LOXL3: variants seen among roughly 807,000 people sequenced by gnomAD.
LOXL3 encodes the protein lysyl oxidase homolog 3.
Under a neutral mutation model 91.8 loss-of-function variants are expected in LOXL3, and 60 were observed. That is an observed-to-expected ratio of 0.65 (90% CI 0.53 to 0.81). The LOEUF is 0.81. Among genes scored for constraint, LOXL3 ranks in the 30% least tolerant of loss-of-function variants. The pLI is 0.00. For missense variants in LOXL3, 874 were observed against 1,000.4 expected (o/e 0.87, Z 1.70); for synonymous variants, 355 against 387.6 (o/e 0.92, Z 0.99).
Position 74,533,264 on chromosome 2 carries a change from G to A in LOXL3, c.*342C>T, listed in dbSNP as rs1675758649. 8 of 542,706 alleles carry A rather than the reference G, an allele frequency of 1.5e-5. No homozygotes were observed. In the South Asian group the frequency reaches 1.7e-4, roughly 12 times the overall value. 33.6% of individuals were successfully genotyped at this position (542,706 alleles called of 1,614,324 possible). The stretch of plus-strand genomic sequence containing the variant: ...AAAGCTGTATCCCCCTAAACTTAGG[G>A]GAGATACTGGAGCTGACCATCCTGA... On this transcript the variant is annotated 3_prime_UTR_variant, in exon 14 of 14. Coordinates refer to ENST00000264094, the MANE Select transcript of LOXL3 (RefSeq NM_032603.5).
chr2:74,534,504 C>G, intron 10 of LOXL3, 27 bp downstream of exon 10: 1 of 1,613,674 alleles, frequency 6.2e-7, no homozygotes, highest in South Asian at 1.1e-5. Flanking sequence ...TGGTCTTGCC[C>G]TTCTACTTGA....
At chr2:74,555,201 C>T (rs768658142), upstream of LOXL3, 69 of 1,613,404 alleles carry the variant, frequency 4.3e-5, no homozygotes, top group Non-Finnish European at 5.2e-5. The surrounding 1 kb of genome is among the most constrained non-coding windows in gnomAD (Gnocchi z 6.1). Flanking sequence ...GTCCCCACGG[C>T]GTAGCGCGGC....
chr2:74,552,702 A>C, intron 1 of LOXL3, 56 bp from the exon 2 acceptor site: 1 of 1,396,588 alleles, frequency 7.2e-7, no homozygotes, highest in South Asian at 1.5e-5. Flanking sequence ...TGGGGCCCAG[A>C]GTCAGAAAGA....
chr2:74,550,090 C>A, intron 3 of LOXL3, 95 bp downstream of exon 3: 1 of 1,498,048 alleles, frequency 6.7e-7, no homozygotes, highest in Non-Finnish European at 8.9e-7. Flanking sequence ...AATGATCCCC[C>A]AGGGGTAACT....
At chr2:74,544,301 A>C (rs1419193712) in intron 4 of LOXL3, among the ~76,000 whole-genome samples, 1 of 151,556 alleles carries the variant, frequency 6.6e-6, no homozygotes. Flanking sequence ...ACTCCCTCTC[A>C]AAAAAACAAA....
upstream of LOXL3, chr2:74,555,405 G>A: frequency 6.2e-7 from 1 of 1,611,130 alleles, no homozygotes; most frequent in African/African-American, 1.3e-5. This position sits in a 1 kb window ranked among gnomAD's most constrained non-coding sequence, Gnocchi z 6.1. Flanking sequence ...CGGCCGACGC[G>A]CCGTCCAGTG....
upstream of LOXL3, chr2:74,555,175 G>T (rs757410769): frequency 6.2e-7 from 1 of 1,612,784 alleles, no homozygotes; most frequent in African/African-American, 1.3e-5. This position sits in a 1 kb window ranked among gnomAD's most constrained non-coding sequence, Gnocchi z 6.1. Context: ...GACCTGGGCC[G>T]TGCTCTACCC....
intron 4 of LOXL3, among the ~76,000 whole-genome samples, chr2:74,542,138 T>A (rs1676359497): frequency 6.6e-6 from 1 of 151,942 alleles, no homozygotes. Context: ...ACAAAAAATT[T>A]AAAAATTAGC....
In LOXL3 at chr2:74,535,825, T is replaced by G. The variant is rs377289180; in HGVS notation, c.1249-70A>C. On this transcript the variant is annotated intron_variant, in intron 7 of 13. Coordinates refer to ENST00000264094, the MANE Select transcript of LOXL3 (RefSeq NM_032603.5). This position sits in a 1 kb window ranked among gnomAD's most constrained non-coding sequence, Gnocchi z 4.2. ...AGGTAGTGGGAGTCTCTAACAGATG[T>G]GGCTGAAGCGTGACTCAGGCACATA... 6.6e-7 allele frequency: 1 copy of G among 1,507,966 alleles called. No homozygotes were observed. Among genetic ancestry groups the G allele is most frequent in the Non-Finnish European group, 8.8e-7 (1 of 1,131,306 alleles). 93.4% of individuals were successfully genotyped at this position (1,507,966 alleles called of 1,614,324 possible). A position where few individuals can be genotyped will look rare whatever the true frequency, so the allele number is the denominator to read the frequency against.
chr2:74,537,260 G>A (rs1214266839), intron 4 of LOXL3, among the ~76,000 whole-genome samples: 1 of 152,212 alleles, frequency 6.6e-6, no homozygotes, highest in Non-Finnish European at 1.5e-5. Context: ...CTGAGGCTAA[G>A]GCCTCAGGGA....
rs1213549764 is a variant in LOXL3 at position 74,536,971 on chromosome 2, C to T, written c.693-43G>A. On this transcript the variant is annotated intron_variant, in intron 4 of 13. Transcript: ENST00000264094. The surrounding 1 kb of genome is among the most constrained non-coding windows in gnomAD (Gnocchi z 4.5). ...AGGTGCAGTAGGGTAAAACAATGCT[C>T]CTGCCTCTTGGCCCCACAAACATCC... is the stretch of plus-strand genomic sequence containing the variant. 4 of 1,539,546 alleles carry T rather than the reference C, an allele frequency of 2.6e-6. No individual in the cohort carries two copies. Among genetic ancestry groups the T allele is most frequent in the African/African-American group, 2.7e-5 (2 of 73,404 alleles).
In LOXL3 at chr2:74,532,964, G is replaced by C; in HGVS notation, c.*642C>G. ...GACGAGAAACACTGACCTTATATGT[G>C]ACCCCTGAGGTCACAGAATGAATAG... On this transcript the variant is annotated 3_prime_UTR_variant, in exon 14 of 14. Transcript: ENST00000264094. 1 of 1,613,814 alleles carries C rather than the reference G, an allele frequency of 6.2e-7. No homozygotes were observed. Among genetic ancestry groups the C allele is most frequent in the Non-Finnish European group, 8.5e-7 (1 of 1,179,926 alleles).
chr2:74,532,814 C>G lies in LOXL3; in HGVS notation c.*792G>C. On this transcript the variant is annotated 3_prime_UTR_variant, in exon 14 of 14. Transcript: ENST00000264094. ...TTCCTTTCTCTCTGTCCATTTTTCT[C>G]TATAGGGCTGGTCTGCGGCCTGGTG... The G allele has an allele frequency of 6.2e-7, 1 of 1,614,104 alleles. No homozygotes were observed. Among genetic ancestry groups the G allele is most frequent in the South Asian group, 1.1e-5 (1 of 91,064 alleles).
Position 74,536,006 on chromosome 2 carries a change from G to A in LOXL3, c.1238C>T (p.Ala413Val). ...GAGAGGATGACTGACCCTGGTCTCTGCCCCAGTGTAAGGTAGGTTGCACCG... is the reference window on the plus strand; with the variant it reads ...GAGAGGATGACTGACCCTGGTCTCTACCCCAGTGTAAGGTAGGTTGCACCG... Reference protein sequence around the residue: ...GVRCNLPYTGAETRIRLSGGR... With the variant: ...GVRCNLPYTGVETRIRLSGGR... The change falls in exon 7 of 14, where the codon GCA (alanine) becomes GTA (valine). Residue 413 changes from alanine to valine, a missense_variant. Ala to Val is a moderately conservative substitution (Grantham distance 64). Coordinates refer to ENST00000264094, the MANE Select transcript of LOXL3 (RefSeq NM_032603.5). The surrounding 1 kb of genome is among the most constrained non-coding windows in gnomAD (Gnocchi z 4.5). 1 of 1,576,528 alleles carries A rather than the reference G, an allele frequency of 6.3e-7. No homozygotes were observed. Among genetic ancestry groups the A allele is most frequent in the Middle Eastern group, 1.7e-4 (1 of 5,838 alleles).
rs1675817491 is a variant in LOXL3, at chr2:74,533,902, C to T, written c.2168G>A (p.Trp723Ter). ...AATACCAATGTGGCAGTTGTGCACCCAGATTCTATGTCCATCATATTTGCA... is the reference window on the plus strand; with the variant it reads ...AATACCAATGTGGCAGTTGTGCACCTAGATTCTATGTCCATCATATTTGCA... Reference protein sequence around the residue: ...CNCKYDGHRIWVHNCHIGDAF... With the variant: ...CNCKYDGHRI Residue 723 changes from tryptophan to a stop codon, truncating the protein, a stop_gained, in exon 13 of 14, where the codon TGG becomes TAG. Transcript: ENST00000264094. LOFTEE classifies it high-confidence loss of function. The T allele has an allele frequency of 1.2e-6, 2 of 1,613,980 alleles. No individual in the cohort carries two copies. Among genetic ancestry groups the T allele is most frequent in the East Asian group, 4.5e-5 (2 of 44,880 alleles).
chr2:74,535,533 C>T lies in LOXL3; in HGVS notation c.1416+55G>A. On this transcript the variant is annotated intron_variant, in intron 8 of 13. Transcript: ENST00000264094. The surrounding 1 kb of genome is among the most constrained non-coding windows in gnomAD (Gnocchi z 4.2). ...AAGGGACTCATTCCTCAGCCCTCTG[C>T]CCAAAACACAGGCTTTGAGACAACA... The T allele has an allele frequency of 6.2e-7, 1 of 1,611,708 alleles. No homozygotes were observed. The highest frequency in any genetic ancestry group is 1.3e-5 in the African/African-American group (1 of 74,990).
At position 74,533,058 on chromosome 2, in the gene LOXL3, C is replaced by A; in HGVS notation, c.*548G>T. On this transcript the variant is annotated 3_prime_UTR_variant, in exon 14 of 14. Transcript: ENST00000264094. Reference sequence around the variant, plus strand: ...TTTCTGGCTGAGGTTCTGAGGGCACCGAGACAGAGGGTTAAATGAACCAGT... The same window carrying A: ...TTTCTGGCTGAGGTTCTGAGGGCACAGAGACAGAGGGTTAAATGAACCAGT... The A allele has an allele frequency of 6.8e-7, 1 of 1,472,374 alleles. No individual in the cohort carries two copies. The highest frequency in any genetic ancestry group is 9.4e-7 in the Non-Finnish European group (1 of 1,060,248). The allele number at this position is 1,472,374 out of a possible 1,614,324, so 91.2% of individuals were successfully genotyped here. A position where few individuals can be genotyped will look rare whatever the true frequency, so the allele number is the denominator to read the frequency against.
intron 4 of LOXL3, among the ~76,000 whole-genome samples, chr2:74,537,905 G>A (rs568301963): frequency 1.6e-4 from 25 of 152,256 alleles, no homozygotes; most frequent in Non-Finnish European, 3.1e-4. Flanking sequence ...GAACGGGCCT[G>A]TGAGGCTGAT....
Position 74,535,626 on chromosome 2 carries a change from T to G in LOXL3, c.1378A>C (p.Arg460=), listed in dbSNP as rs1675970312. The G allele has an allele frequency of 6.2e-7, 1 of 1,613,958 alleles. No homozygotes were observed. Among genetic ancestry groups the G allele is most frequent in the Non-Finnish European group, 8.5e-7 (1 of 1,180,030 alleles). The change falls in exon 8 of 14, where the codon AGG becomes CGG. Residue 460 remains arginine (R), a synonymous_variant. Coordinates refer to ENST00000264094, the MANE Select transcript of LOXL3 (RefSeq NM_032603.5). This position sits in a 1 kb window ranked among gnomAD's most constrained non-coding sequence, Gnocchi z 4.2. ...WGTLEAMVAC[R]QLGLGYANHG... is the part of the protein sequence containing the mutation. ...TTGGCGTAGCCCAGACCCAGTTGCCTACAGGCCACCATGGCCTCCAGGGTC... is the reference window on the plus strand; with the variant it reads ...TTGGCGTAGCCCAGACCCAGTTGCCGACAGGCCACCATGGCCTCCAGGGTC...
Sources: allele counts gnomAD v4.1 joint callset (sites outside exome capture counted in the v4.1 genomes callset), GRCh38; gene constraint gnomAD v4.1.1; non-coding constraint Gnocchi (gnomAD v3.1); transcripts MANE v1.5; gene names NCBI Gene and HGNC (gene_info 2026-07-23, HGNC 2026-07-21).